Variants in CNTLN observed in about 807,000 individuals in gnomAD.
CNTLN encodes centlein, also known as centlein, centrosomal protein.
Under a neutral mutation model 180.0 loss-of-function variants are expected in CNTLN, and 212 were observed. The ratio of observed to expected loss-of-function variants is 1.18; its 90% CI spans 1.05 to 1.32. CNTLN has a LOEUF of 1.32. Among genes scored for constraint, CNTLN ranks in the 40% most tolerant of loss-of-function variants. The pLI, the probability that CNTLN is intolerant of heterozygous loss-of-function variation, is 0.00. For synonymous variants in CNTLN, 722 were observed against 563.1 expected, an observed-to-expected ratio of 1.28 and a Z score of -3.99; for missense variants, 2,095 against 1,610.9, an observed-to-expected ratio of 1.30 and a Z score of -5.14.
downstream of CNTLN, among the ~76,000 whole-genome samples, chr9:17,506,207 G>T (rs983872520): frequency 1.5e-4 from 23 of 152,042 alleles, no homozygotes; most frequent in African/African-American, 5.6e-4. Context: ...CAGGACCTCA[G>T]ATTTGGTGAA....
intron 13 of CNTLN, among the ~76,000 whole-genome samples, chr9:17,377,403 T>C (rs528399479): frequency 6.6e-6 from 1 of 152,082 alleles, no homozygotes; most frequent in South Asian, 2.1e-4. Flanking sequence ...TAGCCGGGCG[T>C]AGTGGTGCGT....
At chr9:17,408,618 A>C (rs139925042) in intron 15 of CNTLN, among the ~76,000 whole-genome samples, 8 of 151,912 alleles carry the variant, frequency 5.3e-5, no homozygotes, top group African/African-American at 1.7e-4. Flanking sequence ...TGGCTAACAC[A>C]GTGAAACCCT....
intron 14 of CNTLN, among the ~76,000 whole-genome samples, chr9:17,389,582 T>G (rs13284188): frequency 0.4 from 43,210 of 107,100 alleles, 6,276 homozygotes; most frequent in South Asian, 0.49. Flanking sequence ...GGTATACTAT[T>G]TTTTATATTT....
chr9:17,322,562 T>G (rs1026154143), intron 8 of CNTLN, among the ~76,000 whole-genome samples: 3 of 152,218 alleles, frequency 2.0e-5, no homozygotes, highest in Admixed American at 2.0e-4. Flanking sequence ...CTTTAACTAC[T>G]CTATAGTGGC....
At chr9:17,438,402 A>G (rs888633004) in intron 18 of CNTLN, among the ~76,000 whole-genome samples, 9 of 152,170 alleles carry the variant, frequency 5.9e-5, no homozygotes, top group Non-Finnish European at 1.3e-4. Flanking sequence ...CCAATTGCAT[A>G]TAGGAAGGTA....
intron 5 of CNTLN, among the ~76,000 whole-genome samples, chr9:17,258,591 T>G (rs1480349800): frequency 6.6e-6 from 1 of 150,634 alleles, no homozygotes; most frequent in Non-Finnish European, 1.5e-5. Context: ...TTCACGATAT[T>G]GATTCTTCCT....
At chr9:17,235,129 G>A (rs979413005) in intron 3 of CNTLN, among the ~76,000 whole-genome samples, 2 of 152,130 alleles carry the variant, frequency 1.3e-5, no homozygotes, top group African/African-American at 4.8e-5. Flanking sequence ...TATCTCACAG[G>A]TGAGAAGAAT....
At chr9:17,502,125 C>A (rs1284442618) in intron 25 of CNTLN, among the ~76,000 whole-genome samples, 1 of 152,168 alleles carries the variant, frequency 6.6e-6, no homozygotes, top group Non-Finnish European at 1.5e-5. Context: ...ATTTTCGGCT[C>A]TAACGCAGAC....
intron 2 of CNTLN, among the ~76,000 whole-genome samples, chr9:17,145,786 C>T (rs766942967): frequency 2.0e-5 from 3 of 152,056 alleles, no homozygotes; most frequent in Non-Finnish European, 4.4e-5. Flanking sequence ...CCAGATTATC[C>T]GTTTCTTTTT....
downstream of CNTLN, among the ~76,000 whole-genome samples, chr9:17,508,823 G>C (rs1588130971): frequency 6.6e-6 from 1 of 152,122 alleles, no homozygotes; most frequent in East Asian, 1.9e-4. Context: ...CCCGTCAAAG[G>C]ACACGTGCAA....
intron 6 of CNTLN, among the ~76,000 whole-genome samples, chr9:17,292,241 C>T (rs997056711): frequency 4.0e-5 from 6 of 151,694 alleles, no homozygotes; most frequent in African/African-American, 1.2e-4. Context: ...ATTTTTTTTC[C>T]CTTCATTTTG....
chr9:17,142,338 C>T (rs139906637), intron 1 of CNTLN, among the ~76,000 whole-genome samples: 243 of 152,126 alleles, frequency 1.6e-3, no homozygotes, highest in Non-Finnish European at 2.5e-3. Flanking sequence ...CACTGTGGCC[C>T]AGGGAAGCCA....
At chr9:17,294,600 A>T (rs577844994) in intron 6 of CNTLN, among the ~76,000 whole-genome samples, 1 of 150,018 alleles carries the variant, frequency 6.7e-6, no homozygotes, top group Non-Finnish European at 1.5e-5. Context: ...CACTAGACTC[A>T]GGAGCCCAGC....
At chr9:17,522,125 TGACATAGGA>T in the CNTLN span, among the ~76,000 whole-genome samples, 7 of 152,148 alleles carry the variant, frequency 4.6e-5, no homozygotes, top group African/African-American at 7.2e-5. Context: ...CTGTCTCCTA[TGACATAGGA>T]CTACCTAGCT....
chr9:17,417,386 T>C (rs911856382), intron 18 of CNTLN, among the ~76,000 whole-genome samples: 1 of 152,160 alleles, frequency 6.6e-6, no homozygotes, highest in African/African-American at 2.4e-5. Flanking sequence ...ACCGTGATAT[T>C]ATAAACTATC....
At chr9:17,137,345 CA>C (rs946751590) in intron 1 of CNTLN, among the ~76,000 whole-genome samples, 2 of 152,158 alleles carry the variant, frequency 1.3e-5, no homozygotes, top group Admixed American at 1.3e-4. Flanking sequence ...ATTGAACTCC[CA>C]ATTGTTTTGT....
At chr9:17,273,608 T>C (rs1285541718) in intron 5 of CNTLN, 125 bp from the exon 6 acceptor site, 2 of 513,780 alleles carry the variant, frequency 3.9e-6, no homozygotes, top group African/African-American at 2.0e-5. Context: ...AAAATTATTT[T>C]AAGTAAGTGA....
intron 13 of CNTLN, among the ~76,000 whole-genome samples, chr9:17,387,597 A>G (rs952351498): frequency 6.6e-5 from 10 of 152,054 alleles, no homozygotes; most frequent in Non-Finnish European, 1.2e-4. Flanking sequence ...TCACCCATAT[A>G]CCTAGCTTTC....
At chr9:17,483,613 T>G (rs1352355567) in intron 23 of CNTLN, among the ~76,000 whole-genome samples, 1 of 152,202 alleles carries the variant, frequency 6.6e-6, no homozygotes, top group Non-Finnish European at 1.5e-5. Flanking sequence ...CCAACCAAAT[T>G]AAGGAGTAAC....
Sources: gnomAD v4.1 joint callset for allele counts (sites outside exome capture counted in the v4.1 genomes callset) on GRCh38, gnomAD v4.1.1 for gene constraint, MANE v1.5 for transcripts, NCBI Gene and HGNC (gene_info 2026-07-23, HGNC 2026-07-21) for gene names.